Variants in TRPM8 observed in about 807,000 individuals in gnomAD.
TRPM8 encodes TRPM8 cationic channel.
TRPM8 carries 110 observed loss-of-function variants against 133.7 expected under a neutral mutation model. The observed-to-expected ratio is 0.82, with a 90% confidence interval of 0.70 to 0.96. The LOEUF (loss-of-function observed/expected upper bound fraction) is 0.96. Ranked by LOEUF, TRPM8 falls within the 40% of genes least tolerant of loss-of-function variation. The pLI is 0.00. For synonymous variants in TRPM8, 535 were observed against 532.3 expected (o/e 1.01, Z -0.07); for missense variants, 1,291 against 1,379.5 (o/e 0.94, Z 1.02).
intron 2 of TRPM8, chr2:233,929,580 G>A (rs998087409): frequency 2.6e-5 from 4 of 152,260 alleles, no homozygotes; most frequent in Non-Finnish European, 5.9e-5. Flanking sequence ...TGTGGGAAGT[G>A]GCACTGGATT....
intron 22 of TRPM8, among the ~76,000 whole-genome samples, chr2:234,006,222 G>A (rs1692691649): frequency 6.6e-6 from 1 of 152,174 alleles, no homozygotes; most frequent in African/African-American, 2.4e-5. Flanking sequence ...TGAAATATAG[G>A]TGACATGTGG....
chr2:233,931,261 A>G (rs1691674571), intron 3 of TRPM8, among the ~76,000 whole-genome samples: 1 of 152,212 alleles, frequency 6.6e-6, no homozygotes, highest in East Asian at 1.9e-4. Context: ...ATAACTGTTG[A>G]TGAGCAAGTG....
At chr2:233,927,770 CT>C (rs1263963461) in intron 2 of TRPM8, among the ~76,000 whole-genome samples, 5 of 65,506 alleles carry the variant, frequency 7.6e-5, no homozygotes, top group Non-Finnish European at 1.2e-4. Flanking sequence ...TTCTTTCTTT[CT>C]TTCTTTCTTT....
chr2:233,953,804 C>T (rs138127375), intron 9 of TRPM8, 113 bp from the exon 10 acceptor site: 25 of 681,736 alleles, frequency 3.7e-5, no homozygotes, highest in East Asian at 3.3e-4. Flanking sequence ...GAAGCTGATC[C>T]GGAACTCCAC....
At chr2:233,970,964 G>T (rs1326216655) in intron 17 of TRPM8, among the ~76,000 whole-genome samples, 1 of 152,176 alleles carries the variant, frequency 6.6e-6, no homozygotes, top group Non-Finnish European at 1.5e-5. Flanking sequence ...GTTGAACCCA[G>T]AAGTCTAGCT....
Position 233,945,846 on chromosome 2 carries a change from T to C in TRPM8, c.700-10T>C, listed in dbSNP as rs748980171. On this transcript the variant is annotated splice_polypyrimidine_tract_variant and intron_variant, in intron 6 of 25. Transcript: ENST00000324695. ...ACAATCTCAAAGACAAGTTTCCCTGTACTTTTCAGGGCTATTTTTTAGCCC... is the reference window on the plus strand; with the variant it reads ...ACAATCTCAAAGACAAGTTTCCCTGCACTTTTCAGGGCTATTTTTTAGCCC... The C allele has an allele frequency of 1.9e-6, 3 of 1,605,568 alleles. No individual in the cohort carries two copies. The highest frequency in any genetic ancestry group is 3.3e-5 in the Admixed American group (2 of 59,816).
intron 17 of TRPM8, among the ~76,000 whole-genome samples, chr2:233,972,720 C>T (rs1691760983): frequency 6.6e-6 from 1 of 152,212 alleles, no homozygotes; most frequent in Admixed American, 6.5e-5. Flanking sequence ...GGGTGCTAAA[C>T]CTCTCATTGC....
chr2:233,932,518 A>G (rs1008452783), intron 3 of TRPM8, among the ~76,000 whole-genome samples: 22 of 152,182 alleles, frequency 1.4e-4, no homozygotes, highest in Non-Finnish European at 2.9e-5. Context: ...GGTGAACTCA[A>G]TGCAGAAAGG....
chr2:233,963,404 T>C, intron 13 of TRPM8, 27 bp downstream of exon 13: 1 of 1,386,920 alleles, frequency 7.2e-7, no homozygotes, highest in South Asian at 1.2e-5. Context: ...ACATCAGATT[T>C]ACACCAAATA....
Position 233,982,018 on chromosome 2 carries a change from C to T in TRPM8, c.2589+103C>T. 5 of 1,250,604 alleles carry T rather than the reference C, an allele frequency of 4.0e-6. No individual in the cohort carries two copies. The South Asian group carries it at 5.2e-5, about 13-fold the overall frequency. 77.5% of individuals were successfully genotyped at this position (1,250,604 alleles called of 1,614,324 possible). ...TGTCCTTAGAACGACTGTTGCATTT[C>T]ACCATCAGTAACATTCGCTTTCTTT... On this transcript the variant is annotated intron_variant, in intron 19 of 25. Transcript: ENST00000324695.
In TRPM8 at chr2:234,006,873, G is replaced by A. The variant is rs772787540; in HGVS notation, c.3151G>A (p.Glu1051Lys). ...SVCCFKNEDN[E>K]TLAWEGVMKE... ...TCAAGGTTTCAAAAATGAAGACAAT[G>A]AGACTCTGGCATGGGAGGGTGTCAT... Residue 1051 changes from glutamate to lysine, a missense_variant, in exon 23 of 26, where the codon GAG (glutamate) becomes AAG (lysine). This residue lies in a region of TRPM8 where 328 missense variants were observed against 410.6 expected (regional missense o/e 0.80). Transcript: ENST00000324695. 1 of 1,613,634 alleles carries A rather than the reference G, an allele frequency of 6.2e-7. No homozygotes were observed. The highest frequency in any genetic ancestry group is 8.5e-7 in the Non-Finnish European group (1 of 1,179,644).
intron 17 of TRPM8, among the ~76,000 whole-genome samples, chr2:233,977,827 A>G (rs1038686447): frequency 5.3e-5 from 8 of 152,208 alleles, no homozygotes; most frequent in Non-Finnish European, 1.0e-4. Context: ...TGAAAATATC[A>G]AATATATTTT....
intron 2 of TRPM8, among the ~76,000 whole-genome samples, chr2:233,928,381 T>G (rs1691612347): frequency 6.6e-6 from 1 of 152,046 alleles, no homozygotes; most frequent in Admixed American, 6.5e-5. Context: ...TGGGTAGAAC[T>G]GCTGAGACCA....
rs1559555130 is a variant in TRPM8, at chr2:234,017,360, A to G, written c.*104A>G. ...CGACTACTAAATGAGAGATTTTCAG[A>G]CCCCTGGGTACATGGTGGATGATTT... On this transcript the variant is annotated 3_prime_UTR_variant, in exon 26 of 26. Transcript: ENST00000324695. 2.1e-6 allele frequency: 1 copy of G among 471,350 alleles called. No individual in the cohort carries two copies. 29.2% of individuals were successfully genotyped at this position (471,350 alleles called of 1,614,324 possible).
At chr2:233,927,993 G>C (rs562612786) in intron 2 of TRPM8, among the ~76,000 whole-genome samples, 1 of 114,186 alleles carries the variant, frequency 8.8e-6, no homozygotes, top group African/African-American at 3.3e-5. Context: ...TTTTTGAGAC[G>C]GAGTCTCGCT....
At chr2:234,006,978 T>TAAA (rs772023202) in intron 23 of TRPM8, 26 bp downstream of exon 23, 1 of 1,562,912 alleles carries the variant, frequency 6.4e-7, no homozygotes, top group Non-Finnish European at 8.8e-7. Context: ...CTTTCTGCTT[T>TAAA]GCAAGGCTCC....
intron 6 of TRPM8, among the ~76,000 whole-genome samples, chr2:233,944,365 C>A (rs968562159): frequency 2.6e-5 from 4 of 152,114 alleles, no homozygotes; most frequent in African/African-American, 9.7e-5. Context: ...TAATTATCCC[C>A]ACGGTAGATG....
rs28901626 is a variant in TRPM8, at chr2:233,941,515, A to G, written c.527-1061A>G. ...TCTGAGGCCGTAGTAAAATTAGAGA[A>G]TGGAGATAGTCAGCAAAGGGGCTTT... On this transcript the variant is annotated intron_variant, in intron 5 of 25. Transcript: ENST00000324695. Among the ~76,000 whole-genome samples the G allele has an allele frequency of 8.8e-3, 1,339 of 152,276 alleles. 15 individuals are homozygous for G. Among genetic ancestry groups the G allele is most frequent in the African/African-American group, 0.031 (1,269 of 41,544 alleles).
intron 23 of TRPM8, among the ~76,000 whole-genome samples, chr2:234,007,802 A>G (rs915637459): frequency 6.6e-6 from 1 of 152,202 alleles, no homozygotes; most frequent in Non-Finnish European, 1.5e-5. Context: ...CAAGGGACAC[A>G]CAGACTTACA....
Sources: allele counts gnomAD v4.1 joint callset (sites outside exome capture counted in the v4.1 genomes callset), GRCh38; gene constraint gnomAD v4.1.1; regional missense constraint gnomAD v4.1.1; transcripts MANE v1.5; gene names NCBI Gene and HGNC (gene_info 2026-07-23, HGNC 2026-07-21).